Variants in STARD7 observed in about 807,000 individuals in gnomAD.
The protein encoded by STARD7 is stAR-related lipid transfer protein 7, mitochondrial.
A neutral mutation model predicts 45.3 loss-of-function variants in STARD7; 30 were observed. The observed-to-expected ratio is 0.66, with a 90% confidence interval of 0.50 to 0.90. STARD7 has a LOEUF of 0.90. STARD7 is among the 40% of genes least tolerant of loss of function. The probability of loss-of-function intolerance (pLI) is 0.00; values close to 1 mark genes in which losing one functional copy is unlikely to be tolerated. For synonymous variants in STARD7, 199 were observed against 183.0 expected (o/e 1.09, Z -0.70); for missense variants, 495 against 491.3 (o/e 1.01, Z -0.07).
chr2:96,192,929 C>T, intron 5 of STARD7, 149 bp downstream of exon 5: 1 of 649,074 alleles, frequency 1.5e-6, no homozygotes, highest in Non-Finnish European at 2.8e-6. Flanking sequence ...AGTCAGAGTC[C>T]CTCATCTTCT....
chr2:96,206,752 GATC>G (rs1683397223), intron 1 of STARD7, among the ~76,000 whole-genome samples: 1 of 129,968 alleles, frequency 7.7e-6, no homozygotes, highest in South Asian at 2.5e-4. Flanking sequence ...AGTGAGCCTA[GATC>G]GCGCCACTGC....
At chr2:96,188,830 G>A (rs62153010) in intron 6 of STARD7, among the ~76,000 whole-genome samples, 21,443 of 151,884 alleles carry the variant, frequency 0.14, 1,711 homozygotes, top group South Asian at 0.24. Context: ...GGAGGCGGAG[G>A]TTGCAGTGAG....
intron 6 of STARD7, chr2:96,187,570 G>A (rs1558732759): frequency 2.2e-5 from 7 of 320,104 alleles, no homozygotes; most frequent in South Asian, 2.0e-4. Context: ...TGCAAACAAC[G>A]TGGTTTATGC....
Position 96,208,475 on chromosome 2 carries a change from A to G in STARD7, c.-41T>C, listed in dbSNP as rs1683443465. 1 of 1,358,184 alleles carries G rather than the reference A, an allele frequency of 7.4e-7. No individual in the cohort carries two copies. Among genetic ancestry groups the G allele is most frequent in the African/African-American group, 1.5e-5 (1 of 65,150 alleles). 84.1% of individuals were successfully genotyped at this position (1,358,184 alleles called of 1,614,324 possible). A position where few individuals can be genotyped will look rare whatever the true frequency, so the allele number is the denominator to read the frequency against. Reference sequence around the variant, plus strand: ...GCCCGCCGCGAGCTTCCGGGGCCCAAGGAACCAGTCCGGAGGGGCGCAGGC... The same window carrying G: ...GCCCGCCGCGAGCTTCCGGGGCCCAGGGAACCAGTCCGGAGGGGCGCAGGC... On this transcript the variant is annotated 5_prime_UTR_variant, in exon 1 of 8. Transcript: ENST00000337288.
chr2:96,200,748 T>C (rs1683292606), intron 1 of STARD7, among the ~76,000 whole-genome samples: 1 of 152,194 alleles, frequency 6.6e-6, no homozygotes, highest in Non-Finnish European at 1.5e-5. Flanking sequence ...ATTCCTGGGC[T>C]TAAGAGATCC....
rs990920677 is a variant in STARD7 at position 96,186,519 on chromosome 2, T to C, written c.*211A>G. Reference sequence around the variant, plus strand: ...TTTCAAAACAGTTGGCCTGAGAATATGACAACACTCCCACAAATGTAGCCT... The same window carrying C: ...TTTCAAAACAGTTGGCCTGAGAATACGACAACACTCCCACAAATGTAGCCT... On this transcript the variant is annotated 3_prime_UTR_variant, in exon 8 of 8. Transcript: ENST00000337288. 1.6e-5 allele frequency: 7 copies of C among 427,426 alleles called. No individual in the cohort carries two copies. Among genetic ancestry groups the C allele is most frequent in the Non-Finnish European group, 2.9e-5 (7 of 243,580 alleles). The allele number at this position is 427,426 out of a possible 1,614,324, so 26.5% of individuals were successfully genotyped here.
At chr2:96,208,101 C>G in intron 1 of STARD7, 44 bp downstream of exon 1, 1 of 1,484,736 alleles carries the variant, frequency 6.7e-7, no homozygotes, top group Non-Finnish European at 9.0e-7. Context: ...GGTTCACAAG[C>G]CCCCCCACCC....
intron 1 of STARD7, among the ~76,000 whole-genome samples, chr2:96,199,550 T>G (rs1225873184): frequency 6.6e-6 from 1 of 152,250 alleles, no homozygotes. Context: ...CAGCTCTAAT[T>G]GCTTTCTGTA....
At chr2:96,197,119 A>ACCTAAACTAAACTAAACTAAACT (rs1558735922) in intron 1 of STARD7, among the ~76,000 whole-genome samples, 2 of 143,972 alleles carry the variant, frequency 1.4e-5, no homozygotes, top group Non-Finnish European at 3.1e-5. Context: ...AATAAAATAA[A>ACCTAAACTAAACTAAACTAAACT]ATAAAGCCAA....
intron 1 of STARD7, among the ~76,000 whole-genome samples, chr2:96,201,526 T>G (rs956269247): frequency 6.6e-6 from 1 of 151,602 alleles, no homozygotes; most frequent in African/African-American, 2.4e-5. Context: ...AGGTCGGGAC[T>G]GTAGCGAGCC....
At chr2:96,187,050 G>A (rs1683048183) in intron 7 of STARD7, 136 bp from the exon 8 acceptor site, 2 of 940,028 alleles carry the variant, frequency 2.1e-6, no homozygotes, top group Non-Finnish European at 3.2e-6. Flanking sequence ...CTGTGAATAA[G>A]AGCTGCCTCC....
chr2:96,188,470 T>C (rs1030858732), intron 6 of STARD7, among the ~76,000 whole-genome samples: 2 of 150,850 alleles, frequency 1.3e-5, no homozygotes, highest in Non-Finnish European at 3.0e-5. Context: ...AAACGGGGCT[T>C]CTCCATCTTG....
In STARD7 at chr2:96,192,476, G is replaced by A. The variant is rs1402995705; in HGVS notation, c.744-8C>T. 3 of 1,607,786 alleles carry A rather than the reference G, an allele frequency of 1.9e-6. No individual in the cohort carries two copies. The highest frequency in any genetic ancestry group is 8.5e-7 in the Non-Finnish European group (1 of 1,174,252). The stretch of plus-strand genomic sequence containing the variant: ...CTCGGATGCTCCACAGCACTGGTAA[G>A]GAGGAAAGGAGAAGCAAACTCTTAG... On this transcript the variant is annotated splice_region_variant and splice_polypyrimidine_tract_variant and intron_variant, in intron 5 of 7. Coordinates refer to ENST00000337288, the MANE Select transcript of STARD7 (RefSeq NM_020151.4).
At position 96,208,798 on chromosome 2, in the gene STARD7, G is replaced by A. The variant is rs947680314; in HGVS notation, c.-364C>T. 5 of 402,734 alleles carry A rather than the reference G, an allele frequency of 1.2e-5. No individual in the cohort carries two copies. Among genetic ancestry groups the A allele is most frequent in the African/African-American group, 2.1e-5 (1 of 48,696 alleles). The allele number at this position is 402,734 out of a possible 1,614,324, so 24.9% of individuals were successfully genotyped here. A position where few individuals can be genotyped will look rare whatever the true frequency, so the allele number is the denominator to read the frequency against. On this transcript the variant is annotated 5_prime_UTR_variant, in exon 1 of 8. Transcript: ENST00000337288. The stretch of plus-strand genomic sequence containing the variant: ...ACAGACAGCTCAGGCCCAGCAGCAC[G>A]CAAGCTCCCGCGCCTTCCGCGACTG...
chr2:96,192,422 C>G lies in STARD7; in HGVS notation c.790G>C (p.Val264Leu). 6.2e-7 allele frequency: 1 copy of G among 1,613,884 alleles called. No homozygotes were observed. The highest frequency in any genetic ancestry group is 8.5e-7 in the Non-Finnish European group (1 of 1,179,864). The change falls in exon 6 of 8, where the codon GTC becomes CTC. Residue 264 changes from valine (V) to leucine (L), a missense_variant. By Grantham distance (32) the Val-to-Leu change is conservative. Coordinates refer to ENST00000337288, the MANE Select transcript of STARD7 (RefSeq NM_020151.4). ...ACCATTTGGGATTCATATGATCTGA[C>G]CCTGACGAATTCTGGAGACTCTGGC... is the stretch of plus-strand genomic sequence containing the variant. ...SVPESPEFVR[V>L]RSYESQMVIR...
At chr2:96,204,584 G>C (rs985791649) in intron 1 of STARD7, among the ~76,000 whole-genome samples, 1 of 152,066 alleles carries the variant, frequency 6.6e-6, no homozygotes. Flanking sequence ...GGGGAGGACA[G>C]GACAGGACAG....
chr2:96,203,413 G>C (rs374341203), intron 1 of STARD7, among the ~76,000 whole-genome samples: 19 of 152,306 alleles, frequency 1.2e-4, no homozygotes, highest in African/African-American at 4.1e-4. Context: ...TCTGAAAAAG[G>C]CTGGACCGAA....
intron 3 of STARD7, among the ~76,000 whole-genome samples, chr2:96,193,861 T>G (rs1210042848): frequency 6.6e-6 from 1 of 152,188 alleles, no homozygotes; most frequent in Non-Finnish European, 1.5e-5. Flanking sequence ...ATCCAGTACC[T>G]CAGGGAAAGT....
intron 1 of STARD7, among the ~76,000 whole-genome samples, chr2:96,196,649 G>A (rs924617683): frequency 5.3e-5 from 8 of 152,090 alleles, no homozygotes; most frequent in Non-Finnish European, 1.0e-4. Flanking sequence ...TTTTAGCAGA[G>A]ACAGGGTTTC....
Sources: gnomAD v4.1 joint callset for allele counts (sites outside exome capture counted in the v4.1 genomes callset) on GRCh38, gnomAD v4.1.1 for gene constraint, MANE v1.5 for transcripts, NCBI Gene and HGNC (gene_info 2026-07-23, HGNC 2026-07-21) for gene names.